PSEN1: variants seen among roughly 807,000 people sequenced by gnomAD.
The protein encoded by PSEN1 is presenilin 1.
In PSEN1, 15 loss-of-function variants were observed where a neutral mutation model predicts 53.5. The ratio of observed to expected loss-of-function variants is 0.28; its 90% CI spans 0.19 to 0.43. The LOEUF (loss-of-function observed/expected upper bound fraction) is 0.43, where lower values mean the gene tolerates loss of function less well. PSEN1 is among the 20% of genes least tolerant of loss of function. The pLI is 1.00. For missense variants in PSEN1, 387 were observed against 571.2 expected, an observed-to-expected ratio of 0.68 and a Z score of 3.29; for synonymous variants, 208 against 209.8, an observed-to-expected ratio of 0.99 and a Z score of 0.08.
rs1279003457 is a variant in PSEN1 at position 73,185,096 on chromosome 14, G to A, written c.481-1757G>A. ...CACTTCCTAGGTGGGATGGCGGCCG[G>A]GCGGAGACGCTCCTCACTTTCCAGA... On this transcript the variant is annotated intron_variant, in intron 5 of 11. Transcript: ENST00000324501. Among the ~76,000 whole-genome samples, 177 of 152,078 alleles carry A rather than the reference G, an allele frequency of 1.2e-3. 1 individual carries two copies. The highest frequency in any genetic ancestry group is 4.2e-3 in the African/African-American group (174 of 41,500).
chr14:73,163,412 TA>T (rs1380440742), intron 3 of PSEN1, among the ~76,000 whole-genome samples: 2 of 152,220 alleles, frequency 1.3e-5, no homozygotes, highest in African/African-American at 2.4e-5. Flanking sequence ...ACTTTGTCTC[TA>T]CAAAAAATTA....
chr14:73,193,566 CA>C (rs796777090), intron 7 of PSEN1, among the ~76,000 whole-genome samples: 323 of 116,424 alleles, frequency 2.8e-3, no homozygotes, highest in African/African-American at 5.4e-3. Context: ...AAAAAAAAAG[CA>C]AAAAAAAAAA....
chr14:73,182,540 A>G (rs895254039), intron 5 of PSEN1, among the ~76,000 whole-genome samples: 1 of 152,010 alleles, frequency 6.6e-6, no homozygotes, highest in African/African-American at 2.4e-5. Flanking sequence ...CCTAGAAGGT[A>G]CAGTTAAAAA....
chr14:73,185,167 G>A (rs1171768430), intron 5 of PSEN1, among the ~76,000 whole-genome samples: 1 of 151,708 alleles, frequency 6.6e-6, no homozygotes, highest in African/African-American at 2.4e-5. Flanking sequence ...GATGATGGGC[G>A]GCCAGGCAGA....
At chr14:73,161,027 A>G (rs1196784176) in intron 3 of PSEN1, among the ~76,000 whole-genome samples, 2 of 149,906 alleles carry the variant, frequency 1.3e-5, no homozygotes, top group Non-Finnish European at 3.0e-5. Flanking sequence ...GCTGGAGTAA[A>G]GTAGTGATGT....
At chr14:73,209,986 A>G (rs1225179690) in intron 9 of PSEN1, among the ~76,000 whole-genome samples, 1 of 152,210 alleles carries the variant, frequency 6.6e-6, no homozygotes, top group African/African-American at 2.4e-5. Flanking sequence ...GCAATAATCA[A>G]AAACTCCTCC....
intron 10 of PSEN1, among the ~76,000 whole-genome samples, chr14:73,214,187 T>C (rs1022793449): frequency 2.0e-5 from 3 of 151,952 alleles, no homozygotes; most frequent in African/African-American, 7.3e-5. Context: ...TAGGATGAGC[T>C]TGTTACTGGC....
At chr14:73,137,865 G>T (rs1174041058) in intron 1 of PSEN1, among the ~76,000 whole-genome samples, 5 of 152,076 alleles carry the variant, frequency 3.3e-5, no homozygotes, top group African/African-American at 1.2e-4. Context: ...GCGGATCCTT[G>T]AGCTGAGGAG....
intron 1 of PSEN1, among the ~76,000 whole-genome samples, chr14:73,140,466 C>G (rs1163633079): frequency 2.0e-5 from 3 of 152,050 alleles, no homozygotes; most frequent in East Asian, 1.9e-4. Context: ...GCCTCAGCCT[C>G]CCAAAGTGCT....
At chr14:73,156,829 A>AT (rs527840440) in intron 3 of PSEN1, among the ~76,000 whole-genome samples, 75 of 151,886 alleles carry the variant, frequency 4.9e-4, no homozygotes, top group South Asian at 1.7e-3. Flanking sequence ...TGCCCAGCTA[A>AT]TTTTTTGTAA....
chr14:73,138,470 C>T (rs1896813217), intron 1 of PSEN1, among the ~76,000 whole-genome samples: 2 of 151,126 alleles, frequency 1.3e-5, no homozygotes, highest in South Asian at 2.1e-4. Context: ...CCGCCCGCCT[C>T]GGCCTCCCAG....
intron 5 of PSEN1, chr14:73,174,039 A>G (rs141552089): frequency 1.3e-4 from 59 of 446,998 alleles, no homozygotes; most frequent in Non-Finnish European, 1.9e-4. Flanking sequence ...TGGAATCTAT[A>G]TGTCATGAAA....
intron 3 of PSEN1, among the ~76,000 whole-genome samples, chr14:73,151,274 A>G (rs1320842982): frequency 6.6e-6 from 1 of 152,226 alleles, no homozygotes; most frequent in Non-Finnish European, 1.5e-5. Flanking sequence ...GGTAGGTTCC[A>G]GTTTTTCACA....
At chr14:73,197,081 C>CCT (rs1898982649) in intron 7 of PSEN1, among the ~76,000 whole-genome samples, 1 of 151,910 alleles carries the variant, frequency 6.6e-6, no homozygotes, top group African/African-American at 2.4e-5. Flanking sequence ...TACAGGCACG[C>CCT]GCCACCACAC....
At chr14:73,200,196 A>G (rs76356675) in intron 8 of PSEN1, among the ~76,000 whole-genome samples, 10,597 of 151,910 alleles carry the variant, frequency 0.07, 532 homozygotes, top group South Asian at 0.19. Context: ...ACTTTTTTTC[A>G]TGTGTTTCTT....
intron 3 of PSEN1, among the ~76,000 whole-genome samples, chr14:73,149,382 T>C (rs900787647): frequency 1.3e-5 from 2 of 152,034 alleles, no homozygotes; most frequent in African/African-American, 4.8e-5. Context: ...TAGGCTTGTG[T>C]GTACATTTCA....
rs1899950229 is a variant in PSEN1 at position 73,217,155 on chromosome 14, A to G, written c.1159A>G (p.Ile387Val). 1.2e-6 allele frequency: 2 copies of G among 1,613,866 alleles called. No individual in the cohort carries two copies. Among genetic ancestry groups the G allele is most frequent in the South Asian group, 2.2e-5 (2 of 91,082 alleles). Residue 387 changes from isoleucine (I) to valine (V), a missense_variant, in exon 11 of 12, where the codon ATT becomes GTT. This residue lies in a region of PSEN1 where 44 missense variants were observed against 106.3 expected (regional missense o/e 0.41). Transcript: ENST00000324501. ...AGTAAAACTTGGATTGGGAGATTTC[A>G]TTTTCTACAGTGTTCTGGTTGGTAA... ...RGVKLGLGDF[I>V]FYSVLVGKAS...
At chr14:73,167,518 C>T (rs1001143162) in intron 3 of PSEN1, among the ~76,000 whole-genome samples, 2 of 152,136 alleles carry the variant, frequency 1.3e-5, no homozygotes, top group Admixed American at 6.5e-5. Context: ...CCTCATGACC[C>T]AGTCACCTCC....
Position 73,147,862 on chromosome 14 carries a change from A to G in PSEN1, c.-68A>G. 2 of 676,034 alleles carry G rather than the reference A, an allele frequency of 3.0e-6. No homozygotes were observed. The highest frequency in any genetic ancestry group is 5.3e-6 in the Non-Finnish European group (2 of 379,492). 41.9% of individuals were successfully genotyped at this position (676,034 alleles called of 1,614,324 possible). A position where few individuals can be genotyped will look rare whatever the true frequency, so the allele number is the denominator to read the frequency against. ...CTTAGACAGCTTGGCCTGGAGGAGA[A>G]CACATGAAAGAAAGGTTTGTTTCTG... On this transcript the variant is annotated 5_prime_UTR_variant, in exon 2 of 12. Transcript: ENST00000324501.
Sources: allele counts gnomAD v4.1 joint callset (sites outside exome capture counted in the v4.1 genomes callset), GRCh38; gene constraint gnomAD v4.1.1; regional missense constraint gnomAD v4.1.1; transcripts MANE v1.5; gene names NCBI Gene and HGNC (gene_info 2026-07-23, HGNC 2026-07-21).